Variants in CALN1 observed in about 807,000 individuals in gnomAD.
CALN1 encodes calcium-binding protein 8.
Under a neutral mutation model 30.6 loss-of-function variants are expected in CALN1, and 17 were observed. That is an observed-to-expected ratio of 0.56 (90% CI 0.38 to 0.83). CALN1 has a LOEUF of 0.83. CALN1 is among the 40% of genes least tolerant of loss of function. CALN1 has a pLI of 0.00. For synonymous variants in CALN1, 156 were observed against 131.4 expected, an observed-to-expected ratio of 1.19 and a Z score of -1.28; for missense variants, 291 against 354.9, an observed-to-expected ratio of 0.82 and a Z score of 1.45.
chr7:71,790,440 T>C (rs1024096271), intron 6 of CALN1, among the ~76,000 whole-genome samples: 15 of 151,646 alleles, frequency 9.9e-5, no homozygotes, highest in Admixed American at 2.6e-4. Context: ...AGCAAGCAAG[T>C]GGGCTTTGAT....
intron 5 of CALN1, among the ~76,000 whole-genome samples, chr7:71,959,353 A>G (rs1318422409): frequency 6.6e-6 from 1 of 152,204 alleles, no homozygotes; most frequent in Admixed American, 6.5e-5. Context: ...GATCGCAAAC[A>G]CAGGATTGGA....
intron 5 of CALN1, among the ~76,000 whole-genome samples, chr7:71,954,466 T>C (rs1489280102): frequency 1.3e-5 from 2 of 151,200 alleles, no homozygotes; most frequent in African/African-American, 2.4e-5. Context: ...TCTCGAAAAC[T>C]TAAAATTAAA....
In CALN1 at chr7:72,054,480, CATATAT is replaced by C. The variant is rs142217256; in HGVS notation, c.389-30717_389-30712del. On this transcript the variant is annotated intron_variant, in intron 4 of 6. Transcript: ENST00000395275. ...ATACATATATATACATATATACATA[CATATAT>C]ATATACATATATACATATATATACA... is the stretch of plus-strand genomic sequence containing the variant. Among the ~76,000 whole-genome samples the C allele has an allele frequency of 2.6e-4, 19 of 73,610 alleles. 2 individuals are homozygous for C. Among genetic ancestry groups the C allele is most frequent in the African/African-American group, 1.2e-3 (19 of 15,908 alleles). 48.3% of individuals were successfully genotyped at this position (73,610 alleles called of 152,430 possible).
chr7:72,157,390 C>T (rs1454851291), intron 3 of CALN1, among the ~76,000 whole-genome samples: 1 of 152,032 alleles, frequency 6.6e-6, no homozygotes, highest in African/African-American at 2.4e-5. Context: ...ACAGGAGGAG[C>T]ACTTGAACCC....
the CALN1 span, among the ~76,000 whole-genome samples, chr7:72,491,697 C>A: frequency 6.6e-6 from 1 of 152,166 alleles, no homozygotes; most frequent in African/African-American, 2.4e-5. Flanking sequence ...TCAGGACAAG[C>A]CTCTGCCCTG....
chr7:71,790,301 GAGAAAGAAAGA>G (rs1793259281), intron 6 of CALN1, among the ~76,000 whole-genome samples: 4 of 136,100 alleles, frequency 2.9e-5, no homozygotes, highest in South Asian at 2.4e-4. Context: ...AGGAAGGAAG[GAGAAAGAAAGA>G]AGAAAGAAAG....
At chr7:72,391,171 T>C (rs1004394740) in intron 2 of CALN1, among the ~76,000 whole-genome samples, 5 of 152,194 alleles carry the variant, frequency 3.3e-5, no homozygotes, top group Admixed American at 1.3e-4. Context: ...CCGCAGAGGC[T>C]GGTGACTTGG....
At position 72,023,765 on chromosome 7, in the gene CALN1, A is replaced by G; in HGVS notation, c.393T>C (p.Asp131=). The change falls in exon 5 of 7, where the codon GAT becomes GAC. Residue 131 remains aspartate, a synonymous_variant. Transcript: ENST00000395275. ...IIMQRLDMDG[D]GQVDFDEFMT... ...TGAATTCATCAAAATCCACCTGGCCATCCCCTGCAAGGAGAAGATGTAAAT... is the reference window on the plus strand; with the variant it reads ...TGAATTCATCAAAATCCACCTGGCCGTCCCCTGCAAGGAGAAGATGTAAAT... 6 of 1,613,460 alleles carry G rather than the reference A, an allele frequency of 3.7e-6. No individual in the cohort carries two copies. Among genetic ancestry groups the G allele is most frequent in the Non-Finnish European group, 5.1e-6 (6 of 1,179,530 alleles).
intron 2 of CALN1, among the ~76,000 whole-genome samples, chr7:72,291,167 C>T (rs1009051859): frequency 6.6e-6 from 1 of 152,160 alleles, no homozygotes; most frequent in Admixed American, 6.5e-5. Context: ...AAGTGATCTG[C>T]CCACCTTAGC....
At chr7:72,128,073 A>T (rs897098782) in intron 3 of CALN1, among the ~76,000 whole-genome samples, 3 of 152,200 alleles carry the variant, frequency 2.0e-5, no homozygotes, top group African/African-American at 7.2e-5. Flanking sequence ...AATATCAATA[A>T]TAAAAATATT....
At chr7:72,188,131 C>T (rs1386136875) in intron 3 of CALN1, among the ~76,000 whole-genome samples, 2 of 152,132 alleles carry the variant, frequency 1.3e-5, no homozygotes, top group East Asian at 1.9e-4. Context: ...CACATCTGCT[C>T]GGAGGAAAAG....
chr7:71,862,433 T>C (rs1023985591), intron 5 of CALN1, among the ~76,000 whole-genome samples: 2 of 152,166 alleles, frequency 1.3e-5, no homozygotes, highest in Admixed American at 1.3e-4. Context: ...CGAGATCTGA[T>C]GGTTTTATAA....
chr7:71,950,174 G>A (rs1334134954), intron 5 of CALN1, among the ~76,000 whole-genome samples: 1 of 152,128 alleles, frequency 6.6e-6, no homozygotes, highest in Non-Finnish European at 1.5e-5. Flanking sequence ...ACCCTCCCCT[G>A]GTAACACCTG....
At chr7:72,488,684 C>G in the CALN1 span, among the ~76,000 whole-genome samples, 14 of 152,108 alleles carry the variant, frequency 9.2e-5, no homozygotes, top group African/African-American at 3.4e-4. Flanking sequence ...CCTCACGTAC[C>G]CATTCACTTT....
At chr7:72,455,423 AT>A in the CALN1 span, among the ~76,000 whole-genome samples, 2 of 151,070 alleles carry the variant, frequency 1.3e-5, no homozygotes, top group African/African-American at 4.9e-5. Flanking sequence ...TTATATATAT[AT>A]TTTTTCTCTC....
chr7:72,270,105 G>GTGTA (rs1190750703), intron 3 of CALN1, among the ~76,000 whole-genome samples: 6 of 151,982 alleles, frequency 3.9e-5, no homozygotes, highest in Non-Finnish European at 5.9e-5. Context: ...GTGTGTGTGT[G>GTGTA]TGTATGTATG....
At chr7:71,857,062 C>A (rs536606064) in intron 5 of CALN1, among the ~76,000 whole-genome samples, 1 of 127,712 alleles carries the variant, frequency 7.8e-6, no homozygotes, top group East Asian at 2.2e-4. Context: ...GTGTGTGTTG[C>A]AAACTAAATT....
chr7:72,208,365 C>T lies in CALN1; in HGVS notation c.244+70321G>A, dbSNP rs1792047479. Among the ~76,000 whole-genome samples, 2 of 152,184 alleles carry T rather than the reference C, an allele frequency of 1.3e-5. 1 individual carries two copies. Among genetic ancestry groups the T allele is most frequent in the African/African-American group, 4.8e-5 (2 of 41,464 alleles). ...TTTCTAATAAGTTTGGTTTCTAATACATTTGGGTATCATTTTTATCACAGC... is the reference window on the plus strand; with the variant it reads ...TTTCTAATAAGTTTGGTTTCTAATATATTTGGGTATCATTTTTATCACAGC... On this transcript the variant is annotated intron_variant, in intron 3 of 6. Transcript: ENST00000395275.
chr7:71,840,278 T>C (rs1179231992), intron 5 of CALN1, among the ~76,000 whole-genome samples: 1 of 151,664 alleles, frequency 6.6e-6, no homozygotes, highest in East Asian at 1.9e-4. Context: ...CAATGAGCTA[T>C]GGCTGCATCA....
Sources: allele counts gnomAD v4.1 joint callset (sites outside exome capture counted in the v4.1 genomes callset), GRCh38; gene constraint gnomAD v4.1.1; transcripts MANE v1.5; gene names NCBI Gene and HGNC (gene_info 2026-07-23, HGNC 2026-07-21).